The following STAG1 variants were observed in gnomAD, a reference collection of about 807,000 sequenced individuals.
The protein encoded by STAG1 is STAG1 cohesin complex component.
A neutral mutation model predicts 170.9 loss-of-function variants in STAG1; 26 were observed. The ratio of observed to expected loss-of-function variants is 0.15; its 90% CI spans 0.11 to 0.21. STAG1 has a LOEUF of 0.21. Among genes scored for constraint, STAG1 ranks in the 10% least tolerant of loss-of-function variants. The pLI, the probability that STAG1 is intolerant of heterozygous loss-of-function variation, is 1.00. For missense variants in STAG1, 964 were observed against 1,509.5 expected (o/e 0.64, Z 5.99); for synonymous variants, 514 against 497.7 (o/e 1.03, Z -0.44).
At position 136,464,964 on chromosome 3, in the gene STAG1, A is replaced by G; in HGVS notation, c.1230T>C (p.Asn410=). Residue 410 remains asparagine (N), a synonymous_variant, in exon 13 of 34, where the codon AAT becomes AAC. Transcript: ENST00000383202. ...AGTGGTAAACATTTTCACAGTCTTC[A>G]TTGGAAAGAGCTTCTTCACTTCCAC... ...ILHGSEEALS[N]EDCENVYHLV... 1 of 1,610,192 alleles carries G rather than the reference A, an allele frequency of 6.2e-7. No homozygotes were observed. Among genetic ancestry groups the G allele is most frequent in the African/African-American group, 1.3e-5 (1 of 75,006 alleles).
At chr3:136,512,107 A>T (rs1934097141) in intron 7 of STAG1, among the ~76,000 whole-genome samples, 1 of 150,410 alleles carries the variant, frequency 6.6e-6, no homozygotes, top group Non-Finnish European at 1.5e-5. Flanking sequence ...AAAAAAAAAA[A>T]AAAAAAAAAA....
chr3:136,502,358 T>G (rs1029169163), intron 8 of STAG1, among the ~76,000 whole-genome samples: 6 of 152,084 alleles, frequency 3.9e-5, no homozygotes, highest in Admixed American at 3.9e-4. Context: ...ATCATACTTT[T>G]TGAGCCTATA....
At chr3:136,733,970 G>A (rs1257012736) in intron 1 of STAG1, among the ~76,000 whole-genome samples, 2 of 152,054 alleles carry the variant, frequency 1.3e-5, no homozygotes, top group Non-Finnish European at 2.9e-5. Context: ...AGCCGGGTGT[G>A]GTGGCGGGCA....
chr3:136,706,949 G>A (rs1943243402), intron 1 of STAG1, among the ~76,000 whole-genome samples: 1 of 152,084 alleles, frequency 6.6e-6, no homozygotes, highest in Admixed American at 6.6e-5. Context: ...CAATTCAACG[G>A]GGAAGAAATA....
intron 4 of STAG1, among the ~76,000 whole-genome samples, chr3:136,588,368 C>T (rs1937951557): frequency 6.6e-6 from 1 of 152,064 alleles, no homozygotes; most frequent in African/African-American, 2.4e-5. Context: ...TGGAGTTTCG[C>T]TCTTGATGCT....
chr3:136,613,313 CAAAAAAAAAA>C (rs60449608), intron 3 of STAG1, among the ~76,000 whole-genome samples: 20 of 59,762 alleles, frequency 3.3e-4, no homozygotes, highest in Admixed American at 5.9e-4. Flanking sequence ...GACTCCGTCT[CAAAAAAAAAA>C]AAAAAAAAAA....
intron 30 of STAG1, 40 bp from the exon 31 acceptor site, chr3:136,341,591 G>A: frequency 2.2e-6 from 3 of 1,383,192 alleles, no homozygotes; most frequent in Non-Finnish European, 3.1e-6. Flanking sequence ...AGCAGCAGAT[G>A]ATGAATTTAG....
chr3:136,486,486 A>G (rs2090015154), intron 9 of STAG1, among the ~76,000 whole-genome samples: 1 of 152,196 alleles, frequency 6.6e-6, no homozygotes, highest in Non-Finnish European at 1.5e-5. Context: ...CATCCAAATC[A>G]TATCATTTTA....
At chr3:136,403,224 TAAAAAAAAAAAAA>T (rs55678408) in intron 21 of STAG1, among the ~76,000 whole-genome samples, 15 of 33,600 alleles carry the variant, frequency 4.5e-4, no homozygotes, top group African/African-American at 1.8e-3. Context: ...GAGACTGTCT[TAAAAAAAAAAAAA>T]AAAAAAAAAA....
At chr3:136,443,506 G>A in intron 14 of STAG1, 102 bp from the exon 15 acceptor site, 2 of 814,826 alleles carry the variant, frequency 2.5e-6, no homozygotes, top group Non-Finnish European at 1.9e-6. Context: ...AAAATGGCTT[G>A]GTTTCCATGA....
chr3:136,417,908 C>A lies in STAG1; in HGVS notation c.2173G>T (p.Glu725Ter). 1 of 1,613,888 alleles carries A rather than the reference C, an allele frequency of 6.2e-7. No individual in the cohort carries two copies. Among genetic ancestry groups the A allele is most frequent in the South Asian group, 1.1e-5 (1 of 91,068 alleles). Residue 725 changes from glutamate (E) to a stop codon, truncating the protein, a stop_gained, in exon 21 of 34, where the codon GAA becomes TAA. Transcript: ENST00000383202. LOFTEE classifies it high-confidence loss of function. ...ACCTGTTCTGGCATGGCTCCATGTT[C>A]AATTCCAGTCTTCAATAATCTGTAG... The part of the protein sequence containing the change: ...NCYRLLKTGI[E>*]HGAMPEQIVV...
intron 21 of STAG1, among the ~76,000 whole-genome samples, chr3:136,402,551 C>T (rs1399822140): frequency 2.0e-5 from 3 of 151,950 alleles, no homozygotes; most frequent in Non-Finnish European, 4.4e-5. Flanking sequence ...AGGTTTCAGA[C>T]CAGGCACAGT....
In STAG1 at chr3:136,338,051, TTC is replaced by T. The variant is rs1046051745; in HGVS notation, c.*201_*202del. 5.4e-6 allele frequency: 3 copies of T among 556,180 alleles called. No homozygotes were observed. Among genetic ancestry groups the T allele is most frequent in the African/African-American group, 1.9e-5 (1 of 52,602 alleles). The allele number at this position is 556,180 out of a possible 1,614,324, so 34.5% of individuals were successfully genotyped here. ...ACACAAATGATTTTCAGGTCAGTCT[TTC>T]TGAGTTGACATTCACCAACATTCCC... On this transcript the variant is annotated 3_prime_UTR_variant, in exon 34 of 34. Transcript: ENST00000383202.
intron 4 of STAG1, among the ~76,000 whole-genome samples, chr3:136,601,943 A>G (rs1235718610): frequency 6.6e-6 from 1 of 152,154 alleles, no homozygotes; most frequent in Non-Finnish European, 1.5e-5. Context: ...AAACACTTCT[A>G]TTGGTCAATG....
At chr3:136,406,551 TATA>T (rs1430979908) in intron 21 of STAG1, among the ~76,000 whole-genome samples, 3 of 152,212 alleles carry the variant, frequency 2.0e-5, no homozygotes, top group Non-Finnish European at 4.4e-5. Flanking sequence ...ATTTTTATTG[TATA>T]ATAATTCAAA....
At chr3:136,589,154 G>C (rs1938011805) in intron 4 of STAG1, among the ~76,000 whole-genome samples, 1 of 151,954 alleles carries the variant, frequency 6.6e-6, no homozygotes, top group African/African-American at 2.4e-5. Flanking sequence ...GCCTCCCTAA[G>C]TGTTGGGATT....
chr3:136,552,397 T>TA (rs1272998003), intron 5 of STAG1, among the ~76,000 whole-genome samples: 4 of 152,208 alleles, frequency 2.6e-5, no homozygotes. Flanking sequence ...AATGATATTG[T>TA]AAACAATATT....
intron 22 of STAG1, among the ~76,000 whole-genome samples, chr3:136,383,405 A>G (rs1174135101): frequency 6.6e-6 from 1 of 152,222 alleles, no homozygotes; most frequent in Non-Finnish European, 1.5e-5. Flanking sequence ...CTGCTTTTTA[A>G]TTTGAAAAAA....
chr3:136,509,005 G>A (rs1933918054), intron 7 of STAG1, among the ~76,000 whole-genome samples: 1 of 152,246 alleles, frequency 6.6e-6, no homozygotes. Flanking sequence ...GGAGCTATTA[G>A]CAAAATAATG....
Sources: gnomAD v4.1 joint callset for allele counts (sites outside exome capture counted in the v4.1 genomes callset) on GRCh38, gnomAD v4.1.1 for gene constraint, MANE v1.5 for transcripts, NCBI Gene and HGNC (gene_info 2026-07-23, HGNC 2026-07-21) for gene names.